GDPD4: variants seen among roughly 807,000 people sequenced by gnomAD.
GDPD4 encodes glycerophosphodiester phosphodiesterase domain containing 4.
GDPD4 carries 60 observed loss-of-function variants against 67.8 expected under a neutral mutation model. That is an observed-to-expected ratio of 0.88 (90% confidence interval 0.72 to 1.10). The LOEUF is 1.10. Ranked by LOEUF, GDPD4 falls within the 50% of genes least tolerant of loss-of-function variation. The pLI is 0.00. For missense variants in GDPD4, 623 were observed against 613.9 expected, an observed-to-expected ratio of 1.01 and a Z score of -0.16; for synonymous variants, 212 against 210.9, an observed-to-expected ratio of 1.00 and a Z score of -0.04.
chr11:77,271,119 A>G lies in GDPD4; in HGVS notation c.400+11T>C, dbSNP rs1289875116. 6 of 1,578,198 alleles carry G rather than the reference A, an allele frequency of 3.8e-6. No individual in the cohort carries two copies. The highest frequency in any genetic ancestry group is 1.7e-5 in the Admixed American group (1 of 59,066). Reference sequence around the variant, plus strand: ...GAAGAAATAGGCAGGGTTCTGCCCTATGTGACATACCTTCTCTTTCCAAAC... The same window carrying G: ...GAAGAAATAGGCAGGGTTCTGCCCTGTGTGACATACCTTCTCTTTCCAAAC... On this transcript the variant is annotated intron_variant, in intron 7 of 16. Coordinates refer to ENST00000315938, the MANE Select transcript of GDPD4 (RefSeq NM_182833.3).
intron 1 of GDPD4, 109 bp from the exon 2 acceptor site, chr11:77,287,529 T>A (rs1313388269): frequency 6.6e-6 from 1 of 152,172 alleles, no homozygotes; most frequent in East Asian, 1.9e-4. Flanking sequence ...TTTAAAAAAC[T>A]GTTTATAATC....
intron 16 of GDPD4, among the ~76,000 whole-genome samples, chr11:77,226,831 A>G (rs1958349141): frequency 6.6e-6 from 1 of 152,210 alleles, no homozygotes; most frequent in African/African-American, 2.4e-5. Flanking sequence ...TTCACAGCAT[A>G]TGAAAGACCA....
At chr11:77,244,318 C>A (rs1366617521) in intron 12 of GDPD4, among the ~76,000 whole-genome samples, 1 of 152,140 alleles carries the variant, frequency 6.6e-6, no homozygotes, top group Non-Finnish European at 1.5e-5. Context: ...AGGCGTGAGC[C>A]ACCGCGCCCA....
In GDPD4 at chr11:77,271,166, GCCA is replaced by G; in HGVS notation, c.361_363del (p.Trp121del). The G allele has an allele frequency of 6.2e-7, 1 of 1,612,936 alleles. No homozygotes were observed. On this transcript the variant is annotated inframe_deletion, in exon 7 of 17. Transcript: ENST00000315938. Reference sequence around the variant, plus strand: ...AAACATGCCACGTAGAAGGCCACAGGCCAGAAAAGGATAACCATCACAGTTATG... The same window carrying G: ...AAACATGCCACGTAGAAGGCCACAGGGAAAAGGATAACCATCACAGTTATG...
chr11:77,227,858 C>G lies in GDPD4; in HGVS notation c.1525+6G>C. 6.2e-7 allele frequency: 1 copy of G among 1,611,046 alleles called. No homozygotes were observed. Among genetic ancestry groups the G allele is most frequent in the South Asian group, 1.1e-5 (1 of 91,036 alleles). On this transcript the variant is annotated splice_donor_region_variant and intron_variant, in intron 16 of 16. Transcript: ENST00000315938. ...AGACAGGAGTGGGCTAGGCCTCTGA[C>G]TTTACCTGTGCGAGTGCTGGAGGTT...
At chr11:77,228,395 G>A (rs1958384535) in intron 15 of GDPD4, among the ~76,000 whole-genome samples, 1 of 151,358 alleles carries the variant, frequency 6.6e-6, no homozygotes, top group Non-Finnish European at 1.5e-5. Context: ...AGCTACTCGG[G>A]AGGCTGAGGC....
chr11:77,277,024 A>G (rs996195296), intron 4 of GDPD4, among the ~76,000 whole-genome samples: 1 of 152,094 alleles, frequency 6.6e-6, no homozygotes, highest in Non-Finnish European at 1.5e-5. Flanking sequence ...CTTTTTCACT[A>G]TTGTTGCCAT....
chr11:77,231,877 C>T (rs571949324), intron 14 of GDPD4, among the ~76,000 whole-genome samples: 1 of 152,194 alleles, frequency 6.6e-6, no homozygotes, highest in African/African-American at 2.4e-5. Flanking sequence ...CCATCCAAAG[C>T]TCCCTTCAGG....
chr11:77,297,070 A>G (rs1012954326), intron 1 of GDPD4, among the ~76,000 whole-genome samples: 2 of 147,354 alleles, frequency 1.4e-5, no homozygotes, highest in Non-Finnish European at 2.9e-5. Context: ...CAAAAAAAAA[A>G]AAACAAAAAA....
At chr11:77,291,473 C>T (rs543824761) in intron 1 of GDPD4, among the ~76,000 whole-genome samples, 18 of 152,108 alleles carry the variant, frequency 1.2e-4, no homozygotes, top group Non-Finnish European at 2.2e-4. Context: ...AGGGTGACTA[C>T]AGGTAACAAT....
In GDPD4 at chr11:77,295,270, G is replaced by A. The variant is rs146709991; in HGVS notation, c.-254+6335C>T. 5.0e-3 allele frequency among the ~76,000 whole-genome samples: 759 copies of A among 151,608 alleles called. 4 individuals are homozygous for A. Among genetic ancestry groups the A allele is most frequent in the African/African-American group, 0.018 (726 of 41,372 alleles). On this transcript the variant is annotated intron_variant, in intron 1 of 16. Coordinates refer to ENST00000315938, the MANE Select transcript of GDPD4 (RefSeq NM_182833.3). ...CCCAAAGTGCTGGGATTACAGGCAT[G>A]AGCCACCACACCCAGCCCACAACTT...
At position 77,243,833 on chromosome 11, in the gene GDPD4, C is replaced by A; in HGVS notation, c.1102G>T (p.Ala368Ser). The A allele has an allele frequency of 6.2e-7, 1 of 1,612,772 alleles. No individual in the cohort carries two copies. Among genetic ancestry groups the A allele is most frequent in the Non-Finnish European group, 8.5e-7 (1 of 1,179,494 alleles). ...GACCTGACGTATTGCCTATCATGAG[C>A]TGGCAACCAAAAAATCTCTAAGGAG... Reference protein sequence around the residue: ...IEQHLIFWLPAHDRQYVRSVA... With the variant: ...IEQHLIFWLPSHDRQYVRSVA... The change falls in exon 13 of 17, where the codon GCT (alanine) becomes TCT (serine). Residue 368 changes from alanine (A) to serine (S), a missense_variant. Ala to Ser is a moderately conservative substitution (Grantham distance 99). Coordinates refer to ENST00000315938, the MANE Select transcript of GDPD4 (RefSeq NM_182833.3).
At chr11:77,232,944 G>A in intron 14 of GDPD4, 81 bp downstream of exon 14, 3 of 1,312,438 alleles carry the variant, frequency 2.3e-6, no homozygotes, top group Non-Finnish European at 3.3e-6. Context: ...CCAGGGGATG[G>A]CACAGTGGGC....
intron 11 of GDPD4, among the ~76,000 whole-genome samples, chr11:77,249,410 A>T (rs1258629855): frequency 6.6e-6 from 1 of 152,164 alleles, no homozygotes. Flanking sequence ...TACTATATTG[A>T]TTCAAAAAAT....
intron 16 of GDPD4, among the ~76,000 whole-genome samples, chr11:77,220,329 T>C (rs891657275): frequency 1.3e-5 from 2 of 152,022 alleles, no homozygotes; most frequent in African/African-American, 2.4e-5. Context: ...ATTCAGTATA[T>C]TGGCTGTTGG....
intron 10 of GDPD4, among the ~76,000 whole-genome samples, chr11:77,265,319 T>C (rs1959173341): frequency 1.3e-5 from 2 of 152,188 alleles, no homozygotes; most frequent in African/African-American, 4.8e-5. Flanking sequence ...TTTGGAGGAA[T>C]GCTGCTTAAA....
chr11:77,242,909 A>T (rs1169236834), intron 13 of GDPD4, among the ~76,000 whole-genome samples: 1 of 139,998 alleles, frequency 7.1e-6, no homozygotes, highest in Non-Finnish European at 1.6e-5. Flanking sequence ...CCCAAAGGAG[A>T]CTTTGGATAT....
At chr11:77,271,041 A>T in intron 7 of GDPD4, 89 bp downstream of exon 7, 1 of 864,060 alleles carries the variant, frequency 1.2e-6, no homozygotes, top group South Asian at 1.5e-5. Flanking sequence ...AGGGGTGGCT[A>T]GTTCCCAAGC....
Position 77,262,854 on chromosome 11 carries a change from C to A in GDPD4, c.708-4312G>T, listed in dbSNP as rs1177932292. Among the ~76,000 whole-genome samples the A allele has an allele frequency of 6.5e-3, 437 of 66,942 alleles. 2 individuals carry two copies. The highest frequency in any genetic ancestry group is 9.5e-3 in the South Asian group (15 of 1,572). 43.9% of individuals were successfully genotyped at this position (66,942 alleles called of 152,430 possible). ...TCTATCACTAAATCTTTCTCTGCTG[C>A]AAAAAAAAAAAAAAAAAAAAAAAGG... On this transcript the variant is annotated intron_variant, in intron 10 of 16. Coordinates refer to ENST00000315938, the MANE Select transcript of GDPD4 (RefSeq NM_182833.3).
Sources: allele counts gnomAD v4.1 joint callset (sites outside exome capture counted in the v4.1 genomes callset), GRCh38; gene constraint gnomAD v4.1.1; transcripts MANE v1.5; gene names NCBI Gene and HGNC (gene_info 2026-07-23, HGNC 2026-07-21).